The following AGK variants were observed in gnomAD, a reference collection of about 807,000 sequenced individuals.
AGK encodes acylglycerol kinase, mitochondrial.
AGK carries 52 observed loss-of-function variants against 66.4 expected under a neutral mutation model. The ratio of observed to expected loss-of-function variants is 0.78; its 90% CI spans 0.63 to 0.99. AGK has a LOEUF of 0.99. Among genes scored for constraint, AGK ranks in the 50% least tolerant of loss-of-function variants. The pLI is 0.00. For synonymous variants in AGK, 182 were observed against 181.1 expected (o/e 1.00, Z -0.04); for missense variants, 451 against 506.6 (o/e 0.89, Z 1.05).
chr7:141,568,296 G>A (rs949079014), intron 2 of AGK, among the ~76,000 whole-genome samples: 1 of 152,132 alleles, frequency 6.6e-6, no homozygotes. Context: ...AAGCCGTGTC[G>A]GAAGCCTTTT....
At chr7:141,577,981 T>G (rs1795788929) in intron 2 of AGK, among the ~76,000 whole-genome samples, 1 of 151,932 alleles carries the variant, frequency 6.6e-6, no homozygotes, top group Non-Finnish European at 1.5e-5. Context: ...CCCAGCTAAT[T>G]TTTTTGGAAT....
At chr7:141,597,789 G>A (rs535245980) in intron 4 of AGK, among the ~76,000 whole-genome samples, 1 of 150,982 alleles carries the variant, frequency 6.6e-6, no homozygotes, top group South Asian at 2.1e-4. Flanking sequence ...TACTTGGGAG[G>A]CTGAGGTGGG....
chr7:141,652,999 A>G lies in AGK; in HGVS notation c.*75A>G. ...CCAAAAGGGAACAGGTGCCTCAGCC[A>G]TCCCAACAGTGTCGTCAGAGGGTCC... On this transcript the variant is annotated 3_prime_UTR_variant, in exon 16 of 16. Transcript: ENST00000649286. The G allele has an allele frequency of 3.2e-6, 5 of 1,578,254 alleles. No individual in the cohort carries two copies. The highest frequency in any genetic ancestry group is 4.3e-6 in the Non-Finnish European group (5 of 1,157,872).
At chr7:141,556,716 C>T (rs746306909) in intron 2 of AGK, among the ~76,000 whole-genome samples, 6 of 152,092 alleles carry the variant, frequency 3.9e-5, no homozygotes, top group Non-Finnish European at 8.8e-5. Flanking sequence ...CCATTTCTTA[C>T]TATAGTCTCT....
At position 141,641,325 on chromosome 7, in the gene AGK, C is replaced by T. The variant is rs543549513; in HGVS notation, c.804C>T (p.Thr268=). 3.2e-4 allele frequency: 511 copies of T among 1,613,856 alleles called. 4 individuals are homozygous for T. The South Asian group carries it at 3.9e-3, about 12-fold the overall frequency. The change falls in exon 12 of 16, where the codon ACC becomes ACT. Residue 268 remains threonine (T), a synonymous_variant. Transcript: ENST00000649286. The part of the protein sequence containing the change: ...TERPPNEPEE[T]PVQRPSLYRR... Reference sequence around the variant, plus strand: ...GACCTCCCAATGAACCAGAGGAGACCCCTGTACAAAGGCCTTCTTTGTACA... The same window carrying T: ...GACCTCCCAATGAACCAGAGGAGACTCCTGTACAAAGGCCTTCTTTGTACA...
chr7:141,591,100 T>G (rs1233294797), intron 2 of AGK, among the ~76,000 whole-genome samples: 1 of 139,586 alleles, frequency 7.2e-6, no homozygotes, highest in African/African-American at 2.8e-5. Context: ...TTTTTTTTTT[T>G]TTTTTTTTTG....
intron 2 of AGK, among the ~76,000 whole-genome samples, chr7:141,591,058 T>A (rs144133007): frequency 6.6e-6 from 1 of 151,678 alleles, no homozygotes; most frequent in East Asian, 1.9e-4. Flanking sequence ...CATGATAATT[T>A]CAGTAAAACA....
chr7:141,596,673 C>T, intron 4 of AGK, 32 bp downstream of exon 4: 2 of 1,591,292 alleles, frequency 1.3e-6, no homozygotes, highest in South Asian at 1.1e-5. Context: ...TATATACTTG[C>T]TTTTTCTAAG....
rs1300361280 is a variant in AGK at position 141,555,951 on chromosome 7, G to C, written c.101+384G>C. On this transcript the variant is annotated intron_variant, in intron 2 of 15. Coordinates refer to ENST00000649286, the MANE Select transcript of AGK (RefSeq NM_018238.4). This position sits in a 1 kb window ranked among gnomAD's most constrained non-coding sequence, Gnocchi z 4.2. Reference sequence around the variant, plus strand: ...TTGCCAAAGTTAAGGACGTGCGCCTGCGACACAGCCTCAGGAAGTTCTGAT... The same window carrying C: ...TTGCCAAAGTTAAGGACGTGCGCCTCCGACACAGCCTCAGGAAGTTCTGAT... Among the ~76,000 whole-genome samples the C allele has an allele frequency of 6.6e-6, 1 of 152,206 alleles. No homozygotes were observed. The highest frequency in any genetic ancestry group is 1.5e-5 in the Non-Finnish European group (1 of 68,034).
chr7:141,593,511 T>C, intron 3 of AGK: 1 of 631,478 alleles, frequency 1.6e-6, no homozygotes, highest in African/African-American at 1.8e-5. Context: ...CCCTGAATCA[T>C]CCCTGATCTG....
intron 2 of AGK, among the ~76,000 whole-genome samples, chr7:141,580,770 G>A (rs928587492): frequency 2.0e-5 from 3 of 152,014 alleles, no homozygotes; most frequent in Non-Finnish European, 4.4e-5. Context: ...GCCACAGGGC[G>A]TGATCCTGGT....
chr7:141,582,744 G>A (rs1295557152), intron 2 of AGK, among the ~76,000 whole-genome samples: 3 of 151,976 alleles, frequency 2.0e-5, no homozygotes, highest in Non-Finnish European at 4.4e-5. Context: ...TTGCTGGGCA[G>A]ATGGGGGAGA....
intron 2 of AGK, among the ~76,000 whole-genome samples, chr7:141,591,199 TCTC>T (rs778835666): frequency 2.0e-5 from 3 of 146,814 alleles, no homozygotes; most frequent in Non-Finnish European, 4.5e-5. Context: ...TTCAGGCAAT[TCTC>T]CTGCCTCAGC....
intron 13 of AGK, among the ~76,000 whole-genome samples, chr7:141,646,803 C>T (rs1252949014): frequency 6.6e-6 from 1 of 152,226 alleles, no homozygotes; most frequent in Non-Finnish European, 1.5e-5. Flanking sequence ...TTGCTTTCAG[C>T]TACTATGGCT....
At chr7:141,614,967 T>C (rs560699880) in intron 7 of AGK, among the ~76,000 whole-genome samples, 27 of 152,228 alleles carry the variant, frequency 1.8e-4, no homozygotes, top group Non-Finnish European at 3.5e-4. Context: ...ATCTATTGTA[T>C]GTGTGGCATT....
chr7:141,582,116 G>A (rs998246365), intron 2 of AGK, among the ~76,000 whole-genome samples: 1 of 151,964 alleles, frequency 6.6e-6, no homozygotes, highest in Admixed American at 6.6e-5. Context: ...ATCTGGGAAG[G>A]AGTCAGTCAG....
At chr7:141,596,123 G>A (rs562331917) in intron 3 of AGK, among the ~76,000 whole-genome samples, 70 of 152,298 alleles carry the variant, frequency 4.6e-4, no homozygotes, top group Non-Finnish European at 8.7e-4. Context: ...TATTTTGTAT[G>A]TGTGTAAACA....
chr7:141,601,772 A>ACTTAGT (rs1171596469), intron 5 of AGK, among the ~76,000 whole-genome samples: 18 of 152,210 alleles, frequency 1.2e-4, no homozygotes, highest in Admixed American at 9.8e-4. Flanking sequence ...TATTTCGAAG[A>ACTTAGT]TGCAGGACTC....
At chr7:141,629,862 T>A (rs1797019942) in intron 9 of AGK, among the ~76,000 whole-genome samples, 1 of 152,140 alleles carries the variant, frequency 6.6e-6, no homozygotes, top group African/African-American at 2.4e-5. Flanking sequence ...GCTTCTTGCC[T>A]ACACTACATG....
Sources: allele counts gnomAD v4.1 joint callset (sites outside exome capture counted in the v4.1 genomes callset), GRCh38; gene constraint gnomAD v4.1.1; non-coding constraint Gnocchi (gnomAD v3.1); transcripts MANE v1.5; gene names NCBI Gene and HGNC (gene_info 2026-07-23, HGNC 2026-07-21).